The following FUT8 variants were observed in gnomAD, a reference collection of about 807,000 sequenced individuals.
FUT8 encodes fucosyltransferase 8.
In FUT8, 29 loss-of-function variants were observed where a neutral mutation model predicts 71.3. The ratio of observed to expected loss-of-function variants is 0.41; its 90% confidence interval spans 0.30 to 0.55. FUT8 has a LOEUF of 0.55. Among genes scored for constraint, FUT8 ranks in the 20% least tolerant of loss-of-function variants. The pLI is 0.34. For missense variants in FUT8, 544 were observed against 702.1 expected (o/e 0.77, Z 2.55); for synonymous variants, 254 against 239.3 (o/e 1.06, Z -0.57).
At chr14:65,578,348 G>GA (rs1886902335) in intron 3 of FUT8, among the ~76,000 whole-genome samples, 1 of 152,122 alleles carries the variant, frequency 6.6e-6, no homozygotes, top group African/African-American at 2.4e-5. Flanking sequence ...AAAGTCTTTA[G>GA]AAAAAAATAC....
intron 3 of FUT8, among the ~76,000 whole-genome samples, chr14:65,596,419 G>A (rs1887983481): frequency 6.6e-6 from 1 of 152,082 alleles, no homozygotes; most frequent in South Asian, 2.1e-4. Context: ...TAATTTTATA[G>A]TATTCTTTCC....
rs1371602689 is a variant in FUT8 at position 65,652,367 on chromosome 14, G to A, written c.598-16876G>A. 6.6e-6 allele frequency among the ~76,000 whole-genome samples: 1 copy of A among 152,188 alleles called. No homozygotes were observed. The highest frequency in any genetic ancestry group is 1.5e-5 in the Non-Finnish European group (1 of 68,040). ...AGGAAGTTGGCTGGTGGGAACGTCA[G>A]AGAAATGTTTTTCTTTCTGATAAAA... On this transcript the variant is annotated intron_variant, in intron 6 of 10. Coordinates refer to ENST00000673929, the MANE Select transcript of FUT8 (RefSeq NM_001371533.1). The surrounding 1 kb of genome is among the most constrained non-coding windows in gnomAD (Gnocchi z 4.0).
At chr14:65,429,151 A>G (rs1256810130) in intron 1 of FUT8, among the ~76,000 whole-genome samples, 1 of 152,178 alleles carries the variant, frequency 6.6e-6, no homozygotes, top group Non-Finnish European at 1.5e-5. Context: ...AGTATAGTAT[A>G]AAAAAAGAGA....
upstream of FUT8, among the ~76,000 whole-genome samples, chr14:65,409,186 G>A (rs2065099691): frequency 6.6e-6 from 1 of 152,204 alleles, no homozygotes; most frequent in Non-Finnish European, 1.5e-5. This position sits in a 1 kb window ranked among gnomAD's most constrained non-coding sequence, Gnocchi z 5.4. Context: ...CCCTTTGGAT[G>A]ACTTCCTGGA....
At chr14:65,733,026 T>C (rs1021685735) in intron 9 of FUT8, among the ~76,000 whole-genome samples, 1 of 152,148 alleles carries the variant, frequency 6.6e-6, no homozygotes, top group Non-Finnish European at 1.5e-5. Context: ...TTATATGATA[T>C]GCCAATAAAA....
chr14:65,496,146 G>T (rs912451478), intron 2 of FUT8, among the ~76,000 whole-genome samples: 3 of 152,076 alleles, frequency 2.0e-5, no homozygotes, highest in African/African-American at 7.2e-5. Context: ...GCCTAGATGT[G>T]GAGAACCATA....
chr14:65,508,791 C>T (rs556065223), intron 2 of FUT8, among the ~76,000 whole-genome samples: 6 of 152,146 alleles, frequency 3.9e-5, no homozygotes, highest in South Asian at 2.1e-4. Flanking sequence ...CCTGAGCCAC[C>T]GTGCTTGGCC....
intron 2 of FUT8, among the ~76,000 whole-genome samples, chr14:65,498,234 A>AT (rs928428249): frequency 1.3e-5 from 2 of 151,788 alleles, no homozygotes; most frequent in Admixed American, 6.6e-5. Flanking sequence ...ACATGACCTT[A>AT]TTTTTTTTAG....
chr14:65,575,669 A>C (rs910767940), intron 3 of FUT8, among the ~76,000 whole-genome samples: 40 of 143,218 alleles, frequency 2.8e-4, no homozygotes, highest in Non-Finnish European at 5.7e-4. Context: ...CCCAGACTGG[A>C]GTGCAGCGGC....
At chr14:65,711,752 C>T (rs1414004099) in intron 7 of FUT8, among the ~76,000 whole-genome samples, 1 of 151,952 alleles carries the variant, frequency 6.6e-6, no homozygotes, top group East Asian at 1.9e-4. Context: ...TATTTTACTG[C>T]CATTTATTCA....
chr14:65,450,167 T>C (rs558651159), intron 1 of FUT8, among the ~76,000 whole-genome samples: 57 of 152,314 alleles, frequency 3.7e-4, no homozygotes, highest in African/African-American at 1.3e-3. Context: ...TTTTCTTTCC[T>C]CATCTAGGGT....
At position 65,467,729 on chromosome 14, in the gene FUT8, C is replaced by T. The variant is rs185898760; in HGVS notation, c.-228+12011C>T. 20 of 473,394 alleles carry T rather than the reference C, an allele frequency of 4.2e-5. No homozygotes were observed. The highest frequency in any genetic ancestry group is 3.2e-4 in the African/African-American group (16 of 49,716). 29.3% of individuals were successfully genotyped at this position (473,394 alleles called of 1,614,324 possible). On this transcript the variant is annotated intron_variant, in intron 2 of 10. Transcript: ENST00000673929. This position sits in a 1 kb window ranked among gnomAD's most constrained non-coding sequence, Gnocchi z 4.1. ...GACCTCATGGTCTGCCCGCCTCAGCCTCCCAAAGTGCTGGGATTACAGGTG... is the reference window on the plus strand; with the variant it reads ...GACCTCATGGTCTGCCCGCCTCAGCTTCCCAAAGTGCTGGGATTACAGGTG...
chr14:65,435,340 G>A (rs2065538785), intron 1 of FUT8, among the ~76,000 whole-genome samples: 1 of 152,102 alleles, frequency 6.6e-6, no homozygotes, highest in African/African-American at 2.4e-5. Flanking sequence ...GATATGGAGG[G>A]CCAACTGTAA....
chr14:65,656,074 G>A (rs1891667592), intron 6 of FUT8, among the ~76,000 whole-genome samples: 1 of 152,090 alleles, frequency 6.6e-6, no homozygotes, highest in African/African-American at 2.4e-5. Flanking sequence ...TTTCACCACT[G>A]TTATTCAACA....
chr14:65,382,495 C>T, the FUT8 span, among the ~76,000 whole-genome samples: 1 of 152,100 alleles, frequency 6.6e-6, no homozygotes, highest in Non-Finnish European at 1.5e-5. Flanking sequence ...ACCACCAGGC[C>T]TCGCTAATTT....
intron 2 of FUT8, among the ~76,000 whole-genome samples, chr14:65,487,026 G>C (rs1293766092): frequency 6.6e-6 from 1 of 152,144 alleles, no homozygotes; most frequent in Admixed American, 6.5e-5. Context: ...ACATAGTTTA[G>C]ATGAAAATCA....
intron 2 of FUT8, chr14:65,468,082 A>G: frequency 3.1e-6 from 2 of 640,170 alleles, no homozygotes; most frequent in Non-Finnish European, 5.8e-6. Flanking sequence ...TTACAATACC[A>G]ACAGCATGCT....
At chr14:65,446,767 G>A (rs1221920166) in intron 1 of FUT8, among the ~76,000 whole-genome samples, 1 of 147,442 alleles carries the variant, frequency 6.8e-6, no homozygotes, top group Non-Finnish European at 1.5e-5. Context: ...TCTTTGACCA[G>A]TGGGAGCCTG....
At chr14:65,614,700 A>G (rs1457458785) in intron 3 of FUT8, among the ~76,000 whole-genome samples, 2 of 152,238 alleles carry the variant, frequency 1.3e-5, no homozygotes, top group Non-Finnish European at 2.9e-5. Context: ...CTTCTGTAGT[A>G]AAATCTTCTT....
Sources: gnomAD v4.1 joint callset for allele counts (sites outside exome capture counted in the v4.1 genomes callset) on GRCh38, gnomAD v4.1.1 for gene constraint, Gnocchi (gnomAD v3.1) non-coding constraint, MANE v1.5 for transcripts, NCBI Gene and HGNC (gene_info 2026-07-23, HGNC 2026-07-21) for gene names.